GRID2IP: variants seen among roughly 807,000 people sequenced by gnomAD.
GRID2IP encodes the protein Grid2 interacting protein.
In GRID2IP, 78 loss-of-function variants were observed where a neutral mutation model predicts 114.3. The ratio of observed to expected loss-of-function variants is 0.68; its 90% CI spans 0.57 to 0.82. GRID2IP has a LOEUF of 0.82. Among genes scored for constraint, GRID2IP ranks in the 40% least tolerant of loss-of-function variants. The pLI, the probability that GRID2IP is intolerant of heterozygous loss-of-function variation, is 0.00. For missense variants in GRID2IP, 1,727 were observed against 1,678.5 expected (o/e 1.03, Z -0.51); for synonymous variants, 809 against 724.0 (o/e 1.12, Z -1.89).
In GRID2IP at chr7:6,503,049, G is replaced by T; in HGVS notation, c.3022C>A (p.Leu1008Met). 1 of 1,551,572 alleles carries T rather than the reference G, an allele frequency of 6.4e-7. No individual in the cohort carries two copies. The highest frequency in any genetic ancestry group is 2.4e-5 in the East Asian group (1 of 40,916). The change falls in exon 17 of 22, where the codon CTG becomes ATG. Residue 1008 changes from leucine (L) to methionine (M), a missense_variant. By Grantham distance (15) the Leu-to-Met change is conservative. Transcript: ENST00000457091. ...GSLECLRQASLELKNSRKLAK... is the reference protein window; with the variant it reads ...GSLECLRQASMELKNSRKLAK... Reference sequence around the variant, plus strand: ...AGCTTCCGACTGTTTTTGAGCTCCAGGGAGGCCTGGCGCAAGCATTCAAGG... The same window carrying T: ...AGCTTCCGACTGTTTTTGAGCTCCATGGAGGCCTGGCGCAAGCATTCAAGG...
chr7:6,533,822 T>C (rs371030264), intron 2 of GRID2IP, among the ~76,000 whole-genome samples: 1 of 151,850 alleles, frequency 6.6e-6, no homozygotes, highest in Non-Finnish European at 1.5e-5. Context: ...ATTTTTTATA[T>C]GTATTTTTTG....
Position 6,497,790 on chromosome 7 carries a change from G to A in GRID2IP, c.3620C>T (p.Ser1207Leu). The A allele has an allele frequency of 6.5e-7, 1 of 1,550,160 alleles. No homozygotes were observed. Among genetic ancestry groups the A allele is most frequent in the Non-Finnish European group, 8.7e-7 (1 of 1,146,748 alleles). ...GEGLRSSGMV[S>L]PLAW ...TGGCCACTGTCACCAGGCCAGGGGT[G>A]AAACCATCCCGGAGCTGCGCAGGCC... Residue 1207 changes from serine (S) to leucine (L), a missense_variant, in exon 22 of 22, where the codon TCA becomes TTA. Coordinates refer to ENST00000457091, the MANE Select transcript of GRID2IP (RefSeq NM_001145118.2).
chr7:6,549,547 T>C (rs1020039311), intron 1 of GRID2IP, among the ~76,000 whole-genome samples: 1 of 152,254 alleles, frequency 6.6e-6, no homozygotes, highest in East Asian at 1.9e-4. Flanking sequence ...GCCAGGCCGC[T>C]GTGCAAGGGC....
chr7:6,507,124 G>A lies in GRID2IP; in HGVS notation c.2544+861C>T, dbSNP rs1786615433. Among the ~76,000 whole-genome samples the A allele has an allele frequency of 6.6e-6, 1 of 152,236 alleles. No individual in the cohort carries two copies. The highest frequency in any genetic ancestry group is 1.5e-5 in the Non-Finnish European group (1 of 68,040). On this transcript the variant is annotated intron_variant, in intron 13 of 21. Coordinates refer to ENST00000457091, the MANE Select transcript of GRID2IP (RefSeq NM_001145118.2). This position sits in a 1 kb window ranked among gnomAD's most constrained non-coding sequence, Gnocchi z 5.3. ...CTGCCCAGTGTGACTACATGTGAGA[G>A]TGAGCTATTGATCCCAAGAAGATGG...
intron 16 of GRID2IP, 84 bp from the exon 17 acceptor site, chr7:6,503,247 G>GGC: frequency 1.6e-5 from 8 of 504,182 alleles, no homozygotes; most frequent in African/African-American, 4.0e-5. Context: ...GGGAGGGGGG[G>GGC]ATCTGCTGGC....
In GRID2IP at chr7:6,528,157, G is replaced by A. The variant is rs146461216; in HGVS notation, c.585-1388C>T. 0.012 allele frequency among the ~76,000 whole-genome samples: 1,847 copies of A among 151,908 alleles called. 43 individuals are homozygous for A. Among genetic ancestry groups the A allele is most frequent in the East Asian group, 0.068 (349 of 5,162 alleles). Reference sequence around the variant, plus strand: ...AGTGATACTCCCACCTCCACTTCTCGAAGTGCTGGGATTACAGGCGTGAGC... The same window carrying A: ...AGTGATACTCCCACCTCCACTTCTCAAAGTGCTGGGATTACAGGCGTGAGC... On this transcript the variant is annotated intron_variant, in intron 2 of 21. Coordinates refer to ENST00000457091, the MANE Select transcript of GRID2IP (RefSeq NM_001145118.2). The surrounding 1 kb of genome is among the most constrained non-coding windows in gnomAD (Gnocchi z 6.0).
intron 18 of GRID2IP, 60 bp downstream of exon 18, chr7:6,502,726 T>G: frequency 8.0e-7 from 1 of 1,250,746 alleles, no homozygotes; most frequent in Non-Finnish European, 1.1e-6. Context: ...GAGCTAGGCC[T>G]GGCGTTAGCG....
chr7:6,537,364 T>G (rs1583351924), intron 2 of GRID2IP, among the ~76,000 whole-genome samples: 1 of 126,844 alleles, frequency 7.9e-6, no homozygotes, highest in Non-Finnish European at 1.6e-5. Flanking sequence ...GCAAATATGG[T>G]GAGACCTTTT....
At chr7:6,500,994 T>TACAGA (rs1786398496) in intron 20 of GRID2IP, among the ~76,000 whole-genome samples, 2 of 152,148 alleles carry the variant, frequency 1.3e-5, no homozygotes, top group Admixed American at 1.3e-4. Flanking sequence ...TACAGTGGCT[T>TACAGA]TGGGGCACTC....
chr7:6,538,065 C>A (rs561080348), intron 2 of GRID2IP, among the ~76,000 whole-genome samples: 1 of 152,142 alleles, frequency 6.6e-6, no homozygotes, highest in African/African-American at 2.4e-5. Context: ...CCTTGGCACA[C>A]ATTCATCATC....
intron 1 of GRID2IP, among the ~76,000 whole-genome samples, chr7:6,541,563 A>G (rs947492332): frequency 2.0e-5 from 3 of 152,214 alleles, no homozygotes; most frequent in African/African-American, 2.4e-5. Context: ...GTGTGTGGCC[A>G]TTGGAAATGA....
Position 6,519,042 on chromosome 7 carries a change from C to T in GRID2IP, c.1268+1536G>A, listed in dbSNP as rs1184872358. Among the ~76,000 whole-genome samples the T allele has an allele frequency of 6.6e-6, 1 of 151,992 alleles. No individual in the cohort carries two copies. The highest frequency in any genetic ancestry group is 1.5e-5 in the Non-Finnish European group (1 of 68,020). ...CAAGTGATTCTCCTGCCTCAGCCTC[C>T]CAAGTAGCTGGAACTACAGGTGCGC... On this transcript the variant is annotated intron_variant, in intron 7 of 21. Transcript: ENST00000457091. This position sits in a 1 kb window ranked among gnomAD's most constrained non-coding sequence, Gnocchi z 4.1.
At chr7:6,510,223 G>T in intron 11 of GRID2IP, 60 bp downstream of exon 11, 6 of 1,169,806 alleles carry the variant, frequency 5.1e-6, no homozygotes, top group Non-Finnish European at 7.3e-6. Context: ...GCAGCTCCAG[G>T]GCTGAGCCTG....
At chr7:6,547,381 CT>C (rs370572345) in intron 1 of GRID2IP, among the ~76,000 whole-genome samples, 123 of 145,526 alleles carry the variant, frequency 8.5e-4, no homozygotes, top group Admixed American at 9.0e-4. Context: ...TCTCCCCAGT[CT>C]TTTTTTTTTT....
At chr7:6,547,608 G>C (rs1779906645) in intron 1 of GRID2IP, among the ~76,000 whole-genome samples, 1 of 152,152 alleles carries the variant, frequency 6.6e-6, no homozygotes, top group Non-Finnish European at 1.5e-5. Context: ...CCTGTTGTGG[G>C]TACAGGAAGA....
At position 6,497,217 on chromosome 7, in the gene GRID2IP, C is replaced by T. The variant is rs148021083; in HGVS notation, c.*557G>A. 2.4e-4 allele frequency among the ~76,000 whole-genome samples: 36 copies of T among 152,360 alleles called. No homozygotes were observed. The highest frequency in any genetic ancestry group is 4.4e-4 in the Non-Finnish European group (30 of 68,034). ...GTCTGACATAGGGGGTCTTCCTTCT[C>T]CAGTCCTTCCTTCCCTGCGTCTCTC... On this transcript the variant is annotated 3_prime_UTR_variant, in exon 22 of 22. Coordinates refer to ENST00000457091, the MANE Select transcript of GRID2IP (RefSeq NM_001145118.2).
chr7:6,526,610 G>A lies in GRID2IP; in HGVS notation c.744C>T (p.Ala248=), dbSNP rs1779516222. 4 of 1,201,722 alleles carry A rather than the reference G, an allele frequency of 3.3e-6. No homozygotes were observed. The Admixed American group carries it at 1.8e-4, about 54-fold the overall frequency. The allele number at this position is 1,201,722 out of a possible 1,614,324, so 74.4% of individuals were successfully genotyped here. A position where few individuals can be genotyped will look rare whatever the true frequency, so the allele number is the denominator to read the frequency against. ...RPERLLVSTR[A]SAPPRRPDEP... is the part of the protein sequence containing the mutation. The stretch of plus-strand genomic sequence containing the variant: ...CATCGGGGCGGCGCGGCGGGGCGCT[G>A]GCGCGCGTGGACACCAGGAGGCGCT... Residue 248 remains alanine, a synonymous_variant, in exon 3 of 22, where the codon GCC becomes GCT. Coordinates refer to ENST00000457091, the MANE Select transcript of GRID2IP (RefSeq NM_001145118.2). The surrounding 1 kb of genome is among the most constrained non-coding windows in gnomAD (Gnocchi z 7.6).
rs942996450 is a variant in GRID2IP, at chr7:6,510,391, C to T, written c.1663G>A (p.Val555Ile). The change falls in exon 11 of 22, where the codon GTC becomes ATC. Residue 555 changes from valine (V) to isoleucine (I), a missense_variant. By Grantham distance (29) the Val-to-Ile change is conservative. Coordinates refer to ENST00000457091, the MANE Select transcript of GRID2IP (RefSeq NM_001145118.2). ...ETPNPKMMSA[V>I]YAELESRLNS... ...AGTCGAGACTCAAGCTCTGCATAGA[C>T]GGCTGACATCTGGAGGGAGACGGGG... The T allele has an allele frequency of 4.6e-5, 71 of 1,530,486 alleles. No individual in the cohort carries two copies. Among genetic ancestry groups the T allele is most frequent in the African/African-American group, 5.5e-5 (4 of 72,104 alleles). 94.8% of individuals were successfully genotyped at this position (1,530,486 alleles called of 1,614,324 possible). A position where few individuals can be genotyped will look rare whatever the true frequency, so the allele number is the denominator to read the frequency against.
At chr7:6,527,207 A>T (rs1779532377) in intron 2 of GRID2IP, among the ~76,000 whole-genome samples, 1 of 151,970 alleles carries the variant, frequency 6.6e-6, no homozygotes, top group African/African-American at 2.4e-5. Flanking sequence ...AGGAAACTGG[A>T]ACCCACGAGC....
Sources: gnomAD v4.1 joint callset for allele counts (sites outside exome capture counted in the v4.1 genomes callset) on GRCh38, gnomAD v4.1.1 for gene constraint, Gnocchi (gnomAD v3.1) non-coding constraint, MANE v1.5 for transcripts, NCBI Gene and HGNC (gene_info 2026-07-23, HGNC 2026-07-21) for gene names.